NGLY1: variants seen among roughly 807,000 people sequenced by gnomAD.
NGLY1 encodes the protein peptide-N(4)-(N-acetyl-beta-glucosaminyl)asparagine amidase.
Under a neutral mutation model 84.6 loss-of-function variants are expected in NGLY1, and 68 were observed. The ratio of observed to expected loss-of-function variants is 0.80; its 90% CI spans 0.66 to 0.98. The LOEUF (loss-of-function observed/expected upper bound fraction) is 0.98. Among genes scored for constraint, NGLY1 ranks in the 50% least tolerant of loss-of-function variants. The probability of loss-of-function intolerance (pLI) is 0.00; values close to 1 mark genes in which losing one functional copy is unlikely to be tolerated. For synonymous variants in NGLY1, 280 were observed against 275.2 expected, an observed-to-expected ratio of 1.02 and a Z score of -0.17; for missense variants, 779 against 770.2, an observed-to-expected ratio of 1.01 and a Z score of -0.14.
intron 9 of NGLY1, chr3:25,730,047 C>G (rs972044623): frequency 6.6e-6 from 1 of 152,080 alleles, no homozygotes; most frequent in African/African-American, 2.4e-5. Context: ...GTTCCCTAAG[C>G]TAGGAGAGCA....
chr3:25,789,779 G>T, intron 1 of NGLY1: 2 of 1,411,420 alleles, frequency 1.4e-6, no homozygotes, highest in Non-Finnish European at 2.0e-6. Context: ...GAATACGATG[G>T]TGTCCCTTCT....
upstream of NGLY1, among the ~76,000 whole-genome samples, chr3:25,784,352 G>C (rs925206607): frequency 6.6e-6 from 1 of 152,194 alleles, no homozygotes; most frequent in Non-Finnish European, 1.5e-5. Context: ...CAATATTATA[G>C]AATGTCGGGG....
chr3:25,777,264 G>T (rs985638469), intron 2 of NGLY1, among the ~76,000 whole-genome samples: 1 of 151,926 alleles, frequency 6.6e-6, no homozygotes, highest in Non-Finnish European at 1.5e-5. Context: ...GCGTGCTGTC[G>T]TATGCCTTTA....
intron 2 of NGLY1, among the ~76,000 whole-genome samples, chr3:25,770,697 G>C (rs1050312358): frequency 6.6e-6 from 1 of 152,090 alleles, no homozygotes; most frequent in African/African-American, 2.4e-5. Context: ...CAGTGTAAAA[G>C]GGTTCCCTTT....
Position 25,790,027 on chromosome 3 carries a change from T to C in NGLY1, c.-162A>G. 3.5e-6 allele frequency: 3 copies of C among 863,580 alleles called. No homozygotes were observed. In the South Asian group the frequency reaches 4.5e-5, roughly 13 times the overall value. The allele number at this position is 863,580 out of a possible 1,614,324, so 53.5% of individuals were successfully genotyped here. A position where few individuals can be genotyped will look rare whatever the true frequency, so the allele number is the denominator to read the frequency against. On this transcript the variant is annotated 5_prime_UTR_variant, in exon 1 of 12. Coordinates refer to the NGLY1 transcript ENST00000417874. ...CGGAAAGAGAGTCGAACGGGACGCGTGCGTGGGAAAGCGCATGAGCGTACG... is the reference window on the plus strand; with the variant it reads ...CGGAAAGAGAGTCGAACGGGACGCGCGCGTGGGAAAGCGCATGAGCGTACG...
At chr3:25,738,277 C>A (rs1399237036) in intron 5 of NGLY1, among the ~76,000 whole-genome samples, 1 of 152,106 alleles carries the variant, frequency 6.6e-6, no homozygotes, top group Non-Finnish European at 1.5e-5. Context: ...TTCTAATAAT[C>A]ATTTTGATTA....
Position 25,764,317 on chromosome 3 carries a change from A to G in NGLY1, c.247-6T>C, listed in dbSNP as rs1480120454. 6.2e-7 allele frequency: 1 copy of G among 1,604,432 alleles called. No individual in the cohort carries two copies. The highest frequency in any genetic ancestry group is 1.3e-5 in the African/African-American group (1 of 74,252). ...AAGATGAGATGTGTTTCTCCCTGGA[A>G]TTTATAAAATTAAAAAAAATGTGAA... On this transcript the variant is annotated splice_region_variant and splice_polypyrimidine_tract_variant and intron_variant, in intron 2 of 11. Transcript: ENST00000280700.
At chr3:25,754,880 G>T in intron 3 of NGLY1, 1 of 619,774 alleles carries the variant, frequency 1.6e-6, no homozygotes, top group South Asian at 1.8e-5. Context: ...CTAAGTTAAA[G>T]ACTACCAATA....
At chr3:25,771,151 A>T (rs1365458818) in intron 2 of NGLY1, among the ~76,000 whole-genome samples, 1 of 152,080 alleles carries the variant, frequency 6.6e-6, no homozygotes, top group East Asian at 1.9e-4. Context: ...TTCTGATGTT[A>T]TCTTCTAGAA....
chr3:25,725,126 A>T (rs1323402716), intron 10 of NGLY1, among the ~76,000 whole-genome samples: 1 of 152,220 alleles, frequency 6.6e-6, no homozygotes, highest in Non-Finnish European at 1.5e-5. Flanking sequence ...GAAGAATCTG[A>T]ACAGACAGGC....
In NGLY1 at chr3:25,783,251, G is replaced by T; in HGVS notation, c.131+9C>A. The T allele has an allele frequency of 1.5e-5, 22 of 1,451,306 alleles. No individual in the cohort carries two copies. The highest frequency in any genetic ancestry group is 2.0e-5 in the Non-Finnish European group (21 of 1,036,774). 89.9% of individuals were successfully genotyped at this position (1,451,306 alleles called of 1,614,324 possible). ...CCGGTACCCGCCGTCCGACCCCGTT[G>T]CCCTGCACCTGAGGATGTTGTCAGC... On this transcript the variant is annotated intron_variant, in intron 1 of 11. Coordinates refer to ENST00000280700, the MANE Select transcript of NGLY1 (RefSeq NM_018297.4). This position sits in a 1 kb window ranked among gnomAD's most constrained non-coding sequence, Gnocchi z 4.5.
intron 3 of NGLY1, among the ~76,000 whole-genome samples, chr3:25,758,790 T>A (rs920613651): frequency 3.3e-5 from 5 of 152,096 alleles, no homozygotes; most frequent in African/African-American, 1.2e-4. Context: ...GAAACGTATA[T>A]AAGAAATAAA....
At chr3:25,731,456 T>G (rs558868385) in intron 9 of NGLY1, among the ~76,000 whole-genome samples, 1 of 152,188 alleles carries the variant, frequency 6.6e-6, no homozygotes, top group Non-Finnish European at 1.5e-5. Flanking sequence ...CAATACCAAG[T>G]GTACACAAAG....
intron 4 of NGLY1, among the ~76,000 whole-genome samples, chr3:25,744,374 T>G (rs1398516751): frequency 6.6e-6 from 1 of 152,240 alleles, no homozygotes; most frequent in Non-Finnish European, 1.5e-5. Flanking sequence ...ATCATGCTTC[T>G]CTATCTCATT....
chr3:25,721,748 CAAAAAAAAAAAAA>C (rs59028606), intron 10 of NGLY1, among the ~76,000 whole-genome samples: 6 of 50,702 alleles, frequency 1.2e-4, no homozygotes, highest in Admixed American at 6.7e-4. Flanking sequence ...GACTCCATCT[CAAAAAAAAAAAAA>C]AAAAAAAAAA....
At chr3:25,724,064 G>T (rs142785520) in intron 10 of NGLY1, among the ~76,000 whole-genome samples, 2 of 152,300 alleles carry the variant, frequency 1.3e-5, no homozygotes, top group African/African-American at 4.8e-5. Flanking sequence ...GGTTGTGGCT[G>T]TAACCACTAT....
At chr3:25,733,205 A>G (rs2125467859) in intron 8 of NGLY1, among the ~76,000 whole-genome samples, 1 of 152,248 alleles carries the variant, frequency 6.6e-6, no homozygotes, top group Admixed American at 6.5e-5. Flanking sequence ...TTCAAAATAG[A>G]CTGAAACCTC....
At position 25,720,133 on chromosome 3, in the gene NGLY1, C is replaced by T. The variant is rs1446295416; in HGVS notation, c.1670G>A (p.Cys557Tyr). 2 of 1,613,704 alleles carry T rather than the reference C, an allele frequency of 1.2e-6. No individual in the cohort carries two copies. The highest frequency in any genetic ancestry group is 1.7e-6 in the Non-Finnish European group (2 of 1,179,826). The change falls in exon 11 of 12, where the codon TGT becomes TAT. Residue 557 changes from cysteine to tyrosine, a missense_variant. Transcript: ENST00000280700. ...SFAYISWKFE[C>Y]GSVGLKVDSI... ...ATCTACTTTTAGGCCAACTGACCCA[C>T]ACTCAAACTTCCAGGAAATATAAGC...
chr3:25,783,219 A>ACCCCCGTACCCCCCCT lies in NGLY1; in HGVS notation c.131+40_131+41insAGGGGGGGTACGGGGG. The ACCCCCGTACCCCCCCT allele has an allele frequency of 8.1e-7, 1 of 1,228,008 alleles. No individual in the cohort carries two copies. Among genetic ancestry groups the ACCCCCGTACCCCCCCT allele is most frequent in the Non-Finnish European group, 1.2e-6 (1 of 859,664 alleles). 76.1% of individuals were successfully genotyped at this position (1,228,008 alleles called of 1,614,324 possible). A position where few individuals can be genotyped will look rare whatever the true frequency, so the allele number is the denominator to read the frequency against. ...CTGGCCGAACAAGGTGCCGCGGCCC[A>ACCCCCGTACCCCCCCT]CCCACCCCGGTACCCGCCGTCCGAC... On this transcript the variant is annotated intron_variant, in intron 1 of 11. Transcript: ENST00000280700. The surrounding 1 kb of genome is among the most constrained non-coding windows in gnomAD (Gnocchi z 4.5).
Sources: allele counts gnomAD v4.1 joint callset (sites outside exome capture counted in the v4.1 genomes callset), GRCh38; gene constraint gnomAD v4.1.1; non-coding constraint Gnocchi (gnomAD v3.1); transcripts MANE v1.5; gene names NCBI Gene and HGNC (gene_info 2026-07-23, HGNC 2026-07-21).